Variants in MLEC observed in about 807,000 individuals in gnomAD.
MLEC encodes the protein malectin, also known as oligosaccharyltransferase complex subunit (non-catalytic).
In MLEC, 7 loss-of-function variants were observed where a neutral mutation model predicts 28.7. The observed-to-expected ratio is 0.24, with a 90% CI of 0.14 to 0.46. The LOEUF (loss-of-function observed/expected upper bound fraction) is 0.46. MLEC is among the 20% of genes least tolerant of loss of function. The pLI, the probability that MLEC is intolerant of heterozygous loss-of-function variation, is 0.99. For missense variants in MLEC, 237 were observed against 391.1 expected (o/e 0.61, Z 3.32); for synonymous variants, 142 against 164.4 (o/e 0.86, Z 1.04).
At chr12:120,689,167 T>C (rs566381043) in intron 1 of MLEC, among the ~76,000 whole-genome samples, 27 of 152,046 alleles carry the variant, frequency 1.8e-4, no homozygotes, top group Non-Finnish European at 3.8e-4. Context: ...ATACTGCCCT[T>C]ATTCAGAAAT....
intron 1 of MLEC, among the ~76,000 whole-genome samples, chr12:120,689,394 G>C (rs563487928): frequency 6.6e-6 from 1 of 152,310 alleles, no homozygotes; most frequent in Non-Finnish European, 1.5e-5. Flanking sequence ...GGCCCTTGGG[G>C]CATTGTATAA....
chr12:120,695,326 G>A (rs1329062014), intron 4 of MLEC, among the ~76,000 whole-genome samples, 174 bp downstream of exon 4: 1 of 152,208 alleles, frequency 6.6e-6, no homozygotes, highest in African/African-American at 2.4e-5. Context: ...CACAAGCTTT[G>A]GAGTCAGGTC....
intron 1 of MLEC, among the ~76,000 whole-genome samples, chr12:120,693,562 C>G (rs573521483): frequency 2.8e-4 from 42 of 152,320 alleles, no homozygotes; most frequent in African/African-American, 8.9e-4. Context: ...ACAACTAAAG[C>G]TGGAATTTTA....
chr12:120,691,177 C>G (rs1882022179), intron 1 of MLEC, among the ~76,000 whole-genome samples: 1 of 152,188 alleles, frequency 6.6e-6, no homozygotes, highest in African/African-American at 2.4e-5. Flanking sequence ...TTATTACTTC[C>G]TTTTCTTTTG....
Position 120,687,556 on chromosome 12 carries a change from G to C in MLEC, c.235+25G>C, listed in dbSNP as rs1033470239. The C allele has an allele frequency of 6.7e-7, 1 of 1,485,134 alleles. No homozygotes were observed. Among genetic ancestry groups the C allele is most frequent in the Non-Finnish European group, 9.0e-7 (1 of 1,115,600 alleles). 92.0% of individuals were successfully genotyped at this position (1,485,134 alleles called of 1,614,324 possible). A position where few individuals can be genotyped will look rare whatever the true frequency, so the allele number is the denominator to read the frequency against. Reference sequence around the variant, plus strand: ...GGTGAGAGTCCCCCTGCCGAGCCGCGGGATCCAGGGCCTGCTGTGCTGGGC... The same window carrying C: ...GGTGAGAGTCCCCCTGCCGAGCCGCCGGATCCAGGGCCTGCTGTGCTGGGC... On this transcript the variant is annotated intron_variant, in intron 1 of 4. Transcript: ENST00000228506. The surrounding 1 kb of genome is among the most constrained non-coding windows in gnomAD (Gnocchi z 8.1).
rs1311384234 is a variant in MLEC at position 120,699,274 on chromosome 12, T to A, written c.*2729T>A. On this transcript the variant is annotated 3_prime_UTR_variant, in exon 5 of 5. Coordinates refer to ENST00000228506, the MANE Select transcript of MLEC (RefSeq NM_014730.4). The stretch of plus-strand genomic sequence containing the variant: ...ACCATAGGGAATGTATGGGAGATGG[T>A]GAGGGGTGCCAGTGAGGGGTGCGTG... 6.5e-6 allele frequency: 1 copy of A among 152,684 alleles called. No individual in the cohort carries two copies. The highest frequency in any genetic ancestry group is 1.5e-5 in the Non-Finnish European group (1 of 68,118). The allele number at this position is 152,684 out of a possible 1,614,324, so 9.5% of individuals were successfully genotyped here. A position where few individuals can be genotyped will look rare whatever the true frequency, so the allele number is the denominator to read the frequency against.
intron 1 of MLEC, among the ~76,000 whole-genome samples, chr12:120,693,215 A>T (rs1303974545): frequency 6.6e-6 from 1 of 152,246 alleles, no homozygotes; most frequent in Admixed American, 6.5e-5. Context: ...TGGACATCTT[A>T]GGCAGATTGC....
chr12:120,687,358 TGC>T lies in MLEC; in HGVS notation c.63_64del (p.Leu22AlafsTer72). ...GCGCTCCTGCGACTGCTGCTGCTGC[TGC>T]TGCCGCCGGCGATCCGGGGACCCGG... On this transcript the variant is annotated frameshift_variant, in exon 1 of 5. Coordinates refer to ENST00000228506, the MANE Select transcript of MLEC (RefSeq NM_014730.4). LOFTEE classifies it high-confidence loss of function. The surrounding 1 kb of genome is among the most constrained non-coding windows in gnomAD (Gnocchi z 8.1). 1 of 1,381,834 alleles carries T rather than the reference TGC, an allele frequency of 7.2e-7. No homozygotes were observed. The highest frequency in any genetic ancestry group is 3.1e-5 in the East Asian group (1 of 32,536). 85.6% of individuals were successfully genotyped at this position (1,381,834 alleles called of 1,614,324 possible).
At chr12:120,693,292 C>T (rs1882106356) in intron 1 of MLEC, among the ~76,000 whole-genome samples, 1 of 152,244 alleles carries the variant, frequency 6.6e-6, no homozygotes, top group Non-Finnish European at 1.5e-5. Context: ...GCAGGCACCT[C>T]CTTCATTGTC....
Position 120,687,280 on chromosome 12 carries a change from C to T in MLEC, c.-17C>T, listed in dbSNP as rs1449983728. ...GGACGAGGGTCGGCGGGGGCTGCCC[C>T]CGTGGTGGTGGCCGCCATGCTGGGA... On this transcript the variant is annotated 5_prime_UTR_variant, in exon 1 of 5. Coordinates refer to ENST00000228506, the MANE Select transcript of MLEC (RefSeq NM_014730.4). The surrounding 1 kb of genome is among the most constrained non-coding windows in gnomAD (Gnocchi z 8.1). 7.3e-7 allele frequency: 1 copy of T among 1,373,832 alleles called. No homozygotes were observed. The highest frequency in any genetic ancestry group is 1.8e-5 in the South Asian group (1 of 56,184). 85.1% of individuals were successfully genotyped at this position (1,373,832 alleles called of 1,614,324 possible).
At chr12:120,693,765 C>A (rs183562915) in intron 1 of MLEC, among the ~76,000 whole-genome samples, 1 of 152,324 alleles carries the variant, frequency 6.6e-6, no homozygotes. Flanking sequence ...ACAGCACTTT[C>A]TTCTGGTAAT....
In MLEC at chr12:120,700,009, G is replaced by A. The variant is rs1204368214; in HGVS notation, c.*3464G>A. The stretch of plus-strand genomic sequence containing the variant: ...CCTCTCCTGGAAAGGCCTGGATATG[G>A]TTTCTAAAATCTCAGCTGAGAACTT... On this transcript the variant is annotated 3_prime_UTR_variant, in exon 5 of 5. Coordinates refer to ENST00000228506, the MANE Select transcript of MLEC (RefSeq NM_014730.4). The surrounding 1 kb of genome is among the most constrained non-coding windows in gnomAD (Gnocchi z 4.0). 4 of 152,598 alleles carry A rather than the reference G, an allele frequency of 2.6e-5. No individual in the cohort carries two copies. The highest frequency in any genetic ancestry group is 1.5e-5 in the Non-Finnish European group (1 of 68,028). 9.5% of individuals were successfully genotyped at this position (152,598 alleles called of 1,614,324 possible).
chr12:120,692,600 T>C (rs1882081508), intron 1 of MLEC, among the ~76,000 whole-genome samples: 1 of 151,630 alleles, frequency 6.6e-6, no homozygotes, highest in Non-Finnish European at 1.5e-5. Flanking sequence ...TGGGTCTTTT[T>C]GTTAATCTTT....
intron 1 of MLEC, among the ~76,000 whole-genome samples, chr12:120,688,535 C>T (rs1592914045): frequency 6.6e-6 from 1 of 152,170 alleles, no homozygotes; most frequent in Admixed American, 6.5e-5. Context: ...AAGTTCTTTG[C>T]TAGGAGATTG....
chr12:120,696,827 A>G lies in MLEC; in HGVS notation c.*282A>G. The stretch of plus-strand genomic sequence containing the variant: ...GGGTAAACTGGATCCTTCCTGCTCA[A>G]GGATCCTCATTTGTATACCTAGTGG... On this transcript the variant is annotated 3_prime_UTR_variant, in exon 5 of 5. Coordinates refer to ENST00000228506, the MANE Select transcript of MLEC (RefSeq NM_014730.4). The surrounding 1 kb of genome is among the most constrained non-coding windows in gnomAD (Gnocchi z 5.4). The G allele has an allele frequency of 2.2e-6, 1 of 451,654 alleles. No individual in the cohort carries two copies. The highest frequency in any genetic ancestry group is 2.6e-5 in the South Asian group (1 of 39,202). 28.0% of individuals were successfully genotyped at this position (451,654 alleles called of 1,614,324 possible).
chr12:120,697,892 G>A lies in MLEC; in HGVS notation c.*1347G>A, dbSNP rs953538637. 6.6e-6 allele frequency: 1 copy of A among 152,208 alleles called. No homozygotes were observed. Among genetic ancestry groups the A allele is most frequent in the Non-Finnish European group, 1.5e-5 (1 of 68,056 alleles). The allele number at this position is 152,208 out of a possible 1,614,324, so 9.4% of individuals were successfully genotyped here. ...ATTTCTCTATCCAAGTAGCAGTCAG[G>A]TTCTTGGTGTGATGGGACTGAAAGA... On this transcript the variant is annotated 3_prime_UTR_variant, in exon 5 of 5. Transcript: ENST00000228506. The surrounding 1 kb of genome is among the most constrained non-coding windows in gnomAD (Gnocchi z 4.8).
intron 1 of MLEC, among the ~76,000 whole-genome samples, chr12:120,691,074 G>A (rs77438023): frequency 0.025 from 3,830 of 152,274 alleles, 164 homozygotes; most frequent in African/African-American, 0.087. Flanking sequence ...GCACCAAGGG[G>A]GGCTTTACAG....
chr12:120,695,045 G>A, intron 3 of MLEC, 45 bp downstream of exon 3: 1 of 1,614,054 alleles, frequency 6.2e-7, no homozygotes, highest in Non-Finnish European at 8.5e-7. Flanking sequence ...TGGGTACAGG[G>A]GAAGTTGTTT....
intron 1 of MLEC, among the ~76,000 whole-genome samples, chr12:120,688,607 A>G (rs1047584521): frequency 7.9e-5 from 12 of 152,262 alleles, no homozygotes; most frequent in Non-Finnish European, 1.8e-4. Context: ...GACAACCAGG[A>G]GACAGACTCA....
Sources: gnomAD v4.1 joint callset for allele counts (sites outside exome capture counted in the v4.1 genomes callset) on GRCh38, gnomAD v4.1.1 for gene constraint, Gnocchi (gnomAD v3.1) non-coding constraint, MANE v1.5 for transcripts, NCBI Gene and HGNC (gene_info 2026-07-23, HGNC 2026-07-21) for gene names.